RGS6: variants seen among roughly 807,000 people sequenced by gnomAD.
RGS6 encodes regulator of G protein signaling 6, also known as regulator of G-protein signaling 6.
A neutral mutation model predicts 78.5 loss-of-function variants in RGS6; 30 were observed. The ratio of observed to expected loss-of-function variants is 0.38; its 90% CI spans 0.29 to 0.52. The LOEUF is 0.52. Among genes scored for constraint, RGS6 ranks in the 20% least tolerant of loss-of-function variants. The pLI, the probability that RGS6 is intolerant of heterozygous loss-of-function variation, is 0.85. For synonymous variants in RGS6, 206 were observed against 206.0 expected, an observed-to-expected ratio of 1.00 and a Z score of 0.00; for missense variants, 495 against 609.7, an observed-to-expected ratio of 0.81 and a Z score of 1.98.
chr14:72,036,264 CGTTTTGTTTT>C (rs139770357), intron 2 of RGS6, among the ~76,000 whole-genome samples: 92 of 149,758 alleles, frequency 6.1e-4, no homozygotes, highest in Non-Finnish European at 1.1e-3. Context: ...GAACATAACC[CGTTTTGTTTT>C]GTTTTGTTTT....
chr14:72,124,838 A>G (rs2153577698), intron 2 of RGS6, among the ~76,000 whole-genome samples: 1 of 152,294 alleles, frequency 6.6e-6, no homozygotes, highest in East Asian at 1.9e-4. Flanking sequence ...CTGACTTGAG[A>G]CTGAAGCTCC....
chr14:72,528,779 T>G (rs1208292359), intron 15 of RGS6, among the ~76,000 whole-genome samples: 2 of 152,226 alleles, frequency 1.3e-5, no homozygotes, highest in African/African-American at 4.8e-5. Context: ...GAATTTACTC[T>G]CAGCAGGGGC....
the RGS6 span, among the ~76,000 whole-genome samples, chr14:72,599,436 T>C: frequency 1.6e-5 from 2 of 123,310 alleles, no homozygotes; most frequent in African/African-American, 6.2e-5. Flanking sequence ...TGAGACAGAG[T>C]CTTGCTTTGT....
At chr14:72,606,116 A>T in the RGS6 span, among the ~76,000 whole-genome samples, 1 of 151,902 alleles carries the variant, frequency 6.6e-6, no homozygotes, top group African/African-American at 2.4e-5. Context: ...ATTCTAGAAC[A>T]ATGTAAACCT....
intron 15 of RGS6, among the ~76,000 whole-genome samples, chr14:72,534,575 C>T (rs1395934285): frequency 6.6e-6 from 1 of 152,200 alleles, no homozygotes; most frequent in African/African-American, 2.4e-5. Flanking sequence ...CTATATACTG[C>T]ATTTCCTTTA....
At chr14:72,135,475 T>G (rs1294675488) in intron 2 of RGS6, among the ~76,000 whole-genome samples, 1 of 152,184 alleles carries the variant, frequency 6.6e-6, no homozygotes, top group Non-Finnish European at 1.5e-5. Context: ...TGAGTCTTGT[T>G]TTTCCCTGCT....
chr14:72,066,655 A>G (rs1466504319), intron 2 of RGS6, among the ~76,000 whole-genome samples: 4 of 152,106 alleles, frequency 2.6e-5, no homozygotes, highest in Admixed American at 2.6e-4. Context: ...TTGAGATAAC[A>G]AAAATAAGAC....
At chr14:72,148,166 G>A (rs939018308) in intron 2 of RGS6, among the ~76,000 whole-genome samples, 19 of 145,516 alleles carry the variant, frequency 1.3e-4, no homozygotes, top group African/African-American at 4.6e-4. Flanking sequence ...TTGAGAGATA[G>A]GAGGGTCACT....
chr14:72,333,863 A>T (rs1053425296), intron 2 of RGS6, among the ~76,000 whole-genome samples: 1 of 152,196 alleles, frequency 6.6e-6, no homozygotes, highest in Non-Finnish European at 1.5e-5. Flanking sequence ...CTGCAAGGTA[A>T]CAGGTACACA....
intron 2 of RGS6, among the ~76,000 whole-genome samples, chr14:72,173,791 G>A (rs1406782946): frequency 6.6e-6 from 1 of 152,086 alleles, no homozygotes; most frequent in African/African-American, 2.4e-5. Flanking sequence ...ACCAACAGAA[G>A]ATGAAAGCTT....
intron 2 of RGS6, among the ~76,000 whole-genome samples, chr14:72,139,036 A>G (rs1166216303): frequency 1.3e-5 from 2 of 152,164 alleles, no homozygotes; most frequent in African/African-American, 4.8e-5. Flanking sequence ...CCTGCTGCCA[A>G]AAAAGTTGGG....
chr14:72,626,925 CT>C, the RGS6 span, among the ~76,000 whole-genome samples: 349 of 139,452 alleles, frequency 2.5e-3, no homozygotes, highest in East Asian at 4.1e-3. Context: ...TGCATTTGAA[CT>C]TTTTTTTTTT....
intron 17 of RGS6, chr14:72,540,736 C>A (rs1156478434): frequency 3.8e-6 from 5 of 1,300,796 alleles, no homozygotes; most frequent in Non-Finnish European, 5.0e-6. Context: ...TGAATCCCTG[C>A]GGTGTCCTGG....
intron 4 of RGS6, among the ~76,000 whole-genome samples, 183 bp from the exon 5 acceptor site, chr14:72,458,088 C>A (rs533922384): frequency 1.3e-5 from 2 of 152,300 alleles, no homozygotes; most frequent in African/African-American, 4.8e-5. Flanking sequence ...AAGTCCCAGA[C>A]ACATAGTTGC....
intron 2 of RGS6, among the ~76,000 whole-genome samples, chr14:72,206,535 CA>C (rs1264302608): frequency 1.1e-4 from 17 of 151,992 alleles, no homozygotes; most frequent in Admixed American, 3.9e-4. Flanking sequence ...GGGCAATTTA[CA>C]AAAGAAAGAG....
At chr14:72,428,344 G>A (rs890861834) in intron 3 of RGS6, among the ~76,000 whole-genome samples, 1 of 152,146 alleles carries the variant, frequency 6.6e-6, no homozygotes, top group Admixed American at 6.5e-5. Flanking sequence ...TGGATGGATG[G>A]ATGAGTGGGT....
chr14:72,264,168 G>A (rs552496112), intron 2 of RGS6, among the ~76,000 whole-genome samples: 5 of 152,296 alleles, frequency 3.3e-5, no homozygotes, highest in East Asian at 1.9e-4. Context: ...AGGGCTTTTC[G>A]TAATTTCAGA....
At chr14:72,498,642 C>A (rs978068314) in intron 13 of RGS6, among the ~76,000 whole-genome samples, 3 of 152,176 alleles carry the variant, frequency 2.0e-5, no homozygotes, top group African/African-American at 7.2e-5. Context: ...CTATCAGTAG[C>A]TGGTGAGGGT....
rs2097523480 is a variant in RGS6 at position 72,552,643 on chromosome 14, C to G, written c.1423-9774C>G. The G allele has an allele frequency of 2.0e-5, 3 of 152,218 alleles. No homozygotes were observed. In the South Asian group the frequency reaches 6.2e-4, roughly 32 times the overall value. The allele number at this position is 152,218 out of a possible 1,614,324, so 9.4% of individuals were successfully genotyped here. A position where few individuals can be genotyped will look rare whatever the true frequency, so the allele number is the denominator to read the frequency against. Reference sequence around the variant, plus strand: ...TGCAACCTCAACAAGTCCAGTTGCTCCGTCAGTCCAATAAACAGAGGTTTC... The same window carrying G: ...TGCAACCTCAACAAGTCCAGTTGCTGCGTCAGTCCAATAAACAGAGGTTTC... On this transcript the variant is annotated intron_variant, in intron 17 of 17. Coordinates refer to ENST00000553525, the MANE Select transcript of RGS6 (RefSeq NM_001204424.2).
Sources: gnomAD v4.1 joint callset for allele counts (sites outside exome capture counted in the v4.1 genomes callset) on GRCh38, gnomAD v4.1.1 for gene constraint, MANE v1.5 for transcripts, NCBI Gene and HGNC (gene_info 2026-07-23, HGNC 2026-07-21) for gene names.